PTPRK: variants seen among roughly 807,000 people sequenced by gnomAD.
PTPRK encodes protein tyrosine phosphatase receptor type K, also known as receptor-type tyrosine-protein phosphatase kappa.
Under a neutral mutation model 178.0 loss-of-function variants are expected in PTPRK, and 75 were observed. The observed-to-expected ratio is 0.42, with a 90% confidence interval of 0.35 to 0.51. PTPRK has a LOEUF of 0.51. Ranked by LOEUF, PTPRK falls within the 20% of genes least tolerant of loss-of-function variation. PTPRK has a pLI of 0.02. For synonymous variants in PTPRK, 637 were observed against 620.6 expected (o/e 1.03, Z -0.39); for missense variants, 1,441 against 1,797.8 (o/e 0.80, Z 3.59).
intron 21 of PTPRK, among the ~76,000 whole-genome samples, chr6:127,986,902 A>G (rs1776040565): frequency 6.6e-6 from 1 of 152,184 alleles, no homozygotes; most frequent in Admixed American, 6.6e-5. Context: ...TCCAATTCCT[A>G]GCACAATACC....
chr6:128,190,490 C>CTTT lies in PTPRK; in HGVS notation c.869-5768_869-5766dup, dbSNP rs34873441. ...ACCCATCAATTCAAGTGATAGATAC[C>CTTT]TTTTTTTTTTTTTTTTTTTTTTTTT... is the stretch of plus-strand genomic sequence containing the variant. On this transcript the variant is annotated intron_variant, in intron 6 of 29. Coordinates refer to ENST00000368226, the MANE Select transcript of PTPRK (RefSeq NM_002844.4). 2.1e-3 allele frequency among the ~76,000 whole-genome samples: 198 copies of CTTT among 96,126 alleles called. 37 individuals are homozygous for CTTT. Among genetic ancestry groups the CTTT allele is most frequent in the African/African-American group, 7.6e-3 (144 of 18,972 alleles). 63.1% of individuals were successfully genotyped at this position (96,126 alleles called of 152,430 possible).
At chr6:128,213,975 G>T (rs1337805814) in intron 6 of PTPRK, among the ~76,000 whole-genome samples, 1 of 152,100 alleles carries the variant, frequency 6.6e-6, no homozygotes, top group Non-Finnish European at 1.5e-5. Flanking sequence ...TAGGTGAGAA[G>T]AAATATGTGG....
At chr6:128,497,526 G>GA (rs1181535258) in intron 1 of PTPRK, among the ~76,000 whole-genome samples, 1 of 152,158 alleles carries the variant, frequency 6.6e-6, no homozygotes, top group African/African-American at 2.4e-5. Context: ...GGTTTGAAAT[G>GA]AGTAAATAGA....
chr6:128,288,887 C>T (rs1822937874), intron 3 of PTPRK, among the ~76,000 whole-genome samples: 1 of 151,910 alleles, frequency 6.6e-6, no homozygotes, highest in Admixed American at 6.6e-5. Flanking sequence ...GTATGAAATA[C>T]CTTCTCTTGG....
At chr6:128,512,714 T>G (rs1857370501) in intron 1 of PTPRK, among the ~76,000 whole-genome samples, 1 of 152,224 alleles carries the variant, frequency 6.6e-6, no homozygotes, top group African/African-American at 2.4e-5. Context: ...TACATCATAA[T>G]TTTTCTCTTG....
At chr6:128,261,430 G>A (rs1818163515) in intron 3 of PTPRK, among the ~76,000 whole-genome samples, 1 of 152,108 alleles carries the variant, frequency 6.6e-6, no homozygotes, top group Non-Finnish European at 1.5e-5. Flanking sequence ...ATTGTACATT[G>A]ACAGGTATAT....
chr6:128,155,447 C>A (rs376259653), intron 7 of PTPRK, among the ~76,000 whole-genome samples: 27 of 151,522 alleles, frequency 1.8e-4, no homozygotes, highest in African/African-American at 6.3e-4. Context: ...TCTTGAGTTA[C>A]GGTTAATTTA....
chr6:127,972,932 C>G, intron 29 of PTPRK, 90 bp downstream of exon 29: 1 of 1,315,674 alleles, frequency 7.6e-7, no homozygotes, highest in South Asian at 1.3e-5. Flanking sequence ...ACATCTGATT[C>G]CCTATGTGTG....
intron 1 of PTPRK, among the ~76,000 whole-genome samples, chr6:128,487,939 G>A (rs886675997): frequency 5.3e-5 from 8 of 152,128 alleles, no homozygotes; most frequent in Admixed American, 1.3e-4. Flanking sequence ...TCTCTAGAGG[G>A]ACAGAACTAA....
chr6:128,249,298 T>TTAAAAA (rs1554372270), intron 3 of PTPRK, among the ~76,000 whole-genome samples: 50 of 132,856 alleles, frequency 3.8e-4, no homozygotes, highest in African/African-American at 1.3e-3. Flanking sequence ...TGGTGTGATT[T>TTAAAAA]AAAAAAAAAA....
chr6:128,209,845 G>A (rs1807757318), intron 6 of PTPRK, among the ~76,000 whole-genome samples: 1 of 152,102 alleles, frequency 6.6e-6, no homozygotes, highest in African/African-American at 2.4e-5. Flanking sequence ...TGTTGCTAGA[G>A]TTTAGTGAGC....
At chr6:128,274,886 C>A (rs1820470160) in intron 3 of PTPRK, among the ~76,000 whole-genome samples, 1 of 151,850 alleles carries the variant, frequency 6.6e-6, no homozygotes, top group Non-Finnish European at 1.5e-5. Flanking sequence ...ATTAAAATGG[C>A]CTTTTTGGTG....
chr6:128,168,774 C>G (rs147575724), intron 7 of PTPRK, among the ~76,000 whole-genome samples: 14 of 152,096 alleles, frequency 9.2e-5, no homozygotes, highest in African/African-American at 3.1e-4. Context: ...GTCCCTGGTG[C>G]CAATAAGGTT....
In PTPRK at chr6:128,120,245, T is replaced by A. The variant is rs144836094; in HGVS notation, c.1163-30253A>T. On this transcript the variant is annotated intron_variant, in intron 7 of 29. Coordinates refer to ENST00000368226, the MANE Select transcript of PTPRK (RefSeq NM_002844.4). ...GACATGATTAGAATTGATATTATATTACTACTAATAATTTTGGTGTTTCAA... is the reference window on the plus strand; with the variant it reads ...GACATGATTAGAATTGATATTATATAACTACTAATAATTTTGGTGTTTCAA... Among the ~76,000 whole-genome samples, 422 of 152,088 alleles carry A rather than the reference T, an allele frequency of 2.8e-3. 2 individuals are homozygous for A. Among genetic ancestry groups the A allele is most frequent in the African/African-American group, 9.7e-3 (402 of 41,576 alleles).
intron 7 of PTPRK, among the ~76,000 whole-genome samples, chr6:128,093,388 GC>G (rs1379170116): frequency 1.3e-5 from 2 of 151,732 alleles, no homozygotes; most frequent in Admixed American, 6.6e-5. Context: ...GAGCTCAGGA[GC>G]TCGAGACCAG....
chr6:128,316,274 T>C (rs986576932), intron 3 of PTPRK, among the ~76,000 whole-genome samples: 2 of 152,222 alleles, frequency 1.3e-5, no homozygotes, highest in African/African-American at 4.8e-5. Flanking sequence ...CTGCTCCTTT[T>C]AGCATCTGTC....
intron 7 of PTPRK, among the ~76,000 whole-genome samples, chr6:128,101,763 T>A (rs1381255627): frequency 6.6e-6 from 1 of 152,148 alleles, no homozygotes; most frequent in Non-Finnish European, 1.5e-5. Flanking sequence ...CCTATACTCC[T>A]GCCAATGTAT....
At chr6:128,183,516 T>G (rs1562743353) in intron 7 of PTPRK, among the ~76,000 whole-genome samples, 1 of 152,276 alleles carries the variant, frequency 6.6e-6, no homozygotes, top group Non-Finnish European at 1.5e-5. Context: ...TTTTGATATA[T>G]AAATATGATG....
At chr6:128,094,344 T>C (rs147832735) in intron 7 of PTPRK, among the ~76,000 whole-genome samples, 52 of 152,210 alleles carry the variant, frequency 3.4e-4, no homozygotes, top group African/African-American at 1.2e-3. Flanking sequence ...ATGTGATGTG[T>C]TAGCAGAGAG....
Sources: gnomAD v4.1 joint callset for allele counts (sites outside exome capture counted in the v4.1 genomes callset) on GRCh38, gnomAD v4.1.1 for gene constraint, MANE v1.5 for transcripts, NCBI Gene and HGNC (gene_info 2026-07-23, HGNC 2026-07-21) for gene names.